Variants in ACSF2 observed in about 807,000 individuals in gnomAD.
The protein encoded by ACSF2 is acyl-CoA synthetase family member 2.
A neutral mutation model predicts 79.3 loss-of-function variants in ACSF2; 52 were observed. The ratio of observed to expected loss-of-function variants is 0.66; its 90% confidence interval spans 0.53 to 0.83. The LOEUF (loss-of-function observed/expected upper bound fraction) is 0.83, where lower values mean the gene tolerates loss of function less well. ACSF2 is among the 40% of genes least tolerant of loss of function. The probability of loss-of-function intolerance (pLI) is 0.00; values close to 1 mark genes in which losing one functional copy is unlikely to be tolerated. For synonymous variants in ACSF2, 283 were observed against 312.6 expected, an observed-to-expected ratio of 0.91 and a Z score of 1.00; for missense variants, 661 against 803.3, an observed-to-expected ratio of 0.82 and a Z score of 2.14.
Position 50,463,116 on chromosome 17 carries a change from A to G in ACSF2, c.793-40A>G, listed in dbSNP as rs995804087. 1.9e-6 allele frequency: 3 copies of G among 1,561,048 alleles called. No individual in the cohort carries two copies. The highest frequency in any genetic ancestry group is 2.2e-5 in the South Asian group (2 of 89,356). ...GGCAGTGGCCCAGGGTGGGAAGGAG[A>G]TGAGAAGGAGGCCAAGCCATGCCCT... On this transcript the variant is annotated intron_variant, in intron 6 of 15. Transcript: ENST00000300441. This position sits in a 1 kb window ranked among gnomAD's most constrained non-coding sequence, Gnocchi z 4.6.
intron 1 of ACSF2, among the ~76,000 whole-genome samples, chr17:50,442,366 T>A (rs1387031864): frequency 2.0e-5 from 3 of 151,278 alleles, no homozygotes; most frequent in African/African-American, 7.3e-5. Flanking sequence ...GTCTGCTATA[T>A]TGCCCAGGCT....
chr17:50,426,307 G>C lies in ACSF2; in HGVS notation c.46G>C (p.Gly16Arg), dbSNP rs775463288. Reference sequence around the variant, plus strand: ...GCTGCGCCTGGGGAGGCTGTGCGCCGGGAGCTCGGGGGTGCTGGGGGCCCG... The same window carrying C: ...GCTGCGCCTGGGGAGGCTGTGCGCCCGGAGCTCGGGGGTGCTGGGGGCCCG... ...GMLRLGRLCA[G>R]SSGVLGARAA... The change falls in exon 1 of 16, where the codon GGG (glycine) becomes CGG (arginine). Residue 16 changes from glycine (G) to arginine (R), a missense_variant. Transcript: ENST00000300441. The C allele has an allele frequency of 7.1e-7, 1 of 1,411,866 alleles. No homozygotes were observed. The highest frequency in any genetic ancestry group is 9.3e-7 in the Non-Finnish European group (1 of 1,076,850). The allele number at this position is 1,411,866 out of a possible 1,614,324, so 87.5% of individuals were successfully genotyped here.
Position 50,463,921 on chromosome 17 carries a change from C to T in ACSF2, c.1138+12C>T. On this transcript the variant is annotated intron_variant, in intron 9 of 15. Coordinates refer to ENST00000300441, the MANE Select transcript of ACSF2 (RefSeq NM_025149.6). This position sits in a 1 kb window ranked among gnomAD's most constrained non-coding sequence, Gnocchi z 4.6. ...GACCATGTGTGGAGGTGGGGTGGGG[C>T]CAAGGGCAGCCAGGCTTGGGGAGGG... 6.2e-7 allele frequency: 1 copy of T among 1,613,164 alleles called. No homozygotes were observed. Among genetic ancestry groups the T allele is most frequent in the Non-Finnish European group, 8.5e-7 (1 of 1,179,362 alleles).
chr17:50,440,628 C>T (rs1453122846), intron 1 of ACSF2, among the ~76,000 whole-genome samples: 1 of 152,350 alleles, frequency 6.6e-6, no homozygotes, highest in East Asian at 1.9e-4. Context: ...CTCTAGCCCC[C>T]GACTTTAGTT....
intron 1 of ACSF2, among the ~76,000 whole-genome samples, chr17:50,427,456 A>C (rs1915097983): frequency 6.6e-6 from 1 of 152,070 alleles, no homozygotes; most frequent in Non-Finnish European, 1.5e-5. Context: ...GCTGGTCAGT[A>C]GATGGGATTG....
At chr17:50,464,009 G>C in intron 9 of ACSF2, 100 bp downstream of exon 9, 1 of 1,164,494 alleles carries the variant, frequency 8.6e-7, no homozygotes, top group South Asian at 1.3e-5. Flanking sequence ...TTTATATAGG[G>C]GGCAAGAAGG....
intron 11 of ACSF2, chr17:50,472,038 G>A (rs2033145146): frequency 5.1e-6 from 1 of 194,810 alleles, no homozygotes; most frequent in Non-Finnish European, 1.0e-5. Flanking sequence ...TTCACATGGT[G>A]TTGCCATGCC....
At chr17:50,434,681 G>A (rs931775580) in intron 1 of ACSF2, among the ~76,000 whole-genome samples, 5 of 151,650 alleles carry the variant, frequency 3.3e-5, no homozygotes, top group African/African-American at 9.7e-5. Context: ...GCAAAACTCC[G>A]TCTCAAAAAA....
At chr17:50,437,464 A>G (rs1461368817) in intron 1 of ACSF2, among the ~76,000 whole-genome samples, 2 of 152,176 alleles carry the variant, frequency 1.3e-5, no homozygotes, top group Non-Finnish European at 2.9e-5. Context: ...AGCCTGGGCA[A>G]CACAGCAAGA....
At chr17:50,442,270 A>C (rs1598399121) in intron 1 of ACSF2, among the ~76,000 whole-genome samples, 2 of 151,552 alleles carry the variant, frequency 1.3e-5, no homozygotes. Flanking sequence ...GTACCACTGC[A>C]CTCCAGCCTG....
chr17:50,434,634 C>T (rs575175867), intron 1 of ACSF2, among the ~76,000 whole-genome samples: 21 of 151,916 alleles, frequency 1.4e-4, no homozygotes, highest in Non-Finnish European at 2.1e-4. Context: ...TGCAGTGATC[C>T]GAGATAGCAC....
At chr17:50,443,871 C>T (rs7214158) in intron 1 of ACSF2, among the ~76,000 whole-genome samples, 1 of 151,960 alleles carries the variant, frequency 6.6e-6, no homozygotes, top group Non-Finnish European at 1.5e-5. Context: ...TTGAATGCAG[C>T]GTGATCATCT....
At chr17:50,427,103 G>A (rs1915062877) in intron 1 of ACSF2, 1 of 999,394 alleles carries the variant, frequency 1.0e-6, no homozygotes, top group East Asian at 2.6e-5. Context: ...GTTAGCTTCA[G>A]CAGCACCACT....
chr17:50,468,508 G>C, intron 10 of ACSF2: 1 of 1,614,266 alleles, frequency 6.2e-7, no homozygotes, highest in Non-Finnish European at 8.5e-7. Context: ...GGTACAAGTA[G>C]ATAAGTTGCT....
rs2143680631 is a variant in ACSF2 at position 50,457,830 on chromosome 17, A to C, written c.129-2847A>C. ...TCACTAAAGCTTGCTTGAATAGATGAGTCAAAGGCGGTTGGGGTGGCTTAG... is the reference window on the plus strand; with the variant it reads ...TCACTAAAGCTTGCTTGAATAGATGCGTCAAAGGCGGTTGGGGTGGCTTAG... On this transcript the variant is annotated intron_variant, in intron 1 of 15. Transcript: ENST00000300441. Among the ~76,000 whole-genome samples the C allele has an allele frequency of 2.0e-5, 3 of 152,214 alleles. No homozygotes were observed. The South Asian group carries it at 6.2e-4, about 32-fold the overall frequency.
chr17:50,431,006 C>T (rs2029885215), intron 1 of ACSF2, among the ~76,000 whole-genome samples: 1 of 152,198 alleles, frequency 6.6e-6, no homozygotes, highest in Non-Finnish European at 1.5e-5. Context: ...ATACAAGCGC[C>T]TTGTATTAAG....
At chr17:50,472,626 T>C in intron 12 of ACSF2, 47 bp downstream of exon 12, 2 of 1,554,458 alleles carry the variant, frequency 1.3e-6, no homozygotes, top group Non-Finnish European at 1.7e-6. Context: ...GAGGGGAGGC[T>C]GGAGGTCTTG....
Position 50,473,772 on chromosome 17 carries a change from T to C in ACSF2, c.1583T>C (p.Phe528Ser). 1 of 1,614,210 alleles carries C rather than the reference T, an allele frequency of 6.2e-7. No individual in the cohort carries two copies. Among genetic ancestry groups the C allele is most frequent in the Non-Finnish European group, 8.5e-7 (1 of 1,180,038 alleles). The stretch of plus-strand genomic sequence containing the variant: ...ATCTACCCCGCAGAGCTCGAGGACT[T>C]CTTTCACACACACCCGAAGGTGCAG... ...ENIYPAELED[F>S]FHTHPKVQEV... is the part of the protein sequence containing the mutation. The change falls in exon 13 of 16, where the codon TTC becomes TCC. Residue 528 changes from phenylalanine (F) to serine (S), a missense_variant. Transcript: ENST00000300441.
intron 1 of ACSF2, among the ~76,000 whole-genome samples, chr17:50,433,568 C>G (rs1054519331): frequency 6.6e-6 from 1 of 152,170 alleles, no homozygotes; most frequent in Admixed American, 6.5e-5. Flanking sequence ...TTCCTAGGCA[C>G]TCTTCTCCTG....
Sources: gnomAD v4.1 joint callset for allele counts (sites outside exome capture counted in the v4.1 genomes callset) on GRCh38, gnomAD v4.1.1 for gene constraint, Gnocchi (gnomAD v3.1) non-coding constraint, MANE v1.5 for transcripts, NCBI Gene and HGNC (gene_info 2026-07-23, HGNC 2026-07-21) for gene names.